The following RBFOX1 variants were observed in gnomAD, a reference collection of about 807,000 sequenced individuals.
RBFOX1 encodes RNA binding fox-1 homolog 1.
In RBFOX1, 8 loss-of-function variants were observed where a neutral mutation model predicts 57.7. The observed-to-expected ratio is 0.14, with a 90% CI of 0.08 to 0.25. RBFOX1 has a LOEUF of 0.25. RBFOX1 is among the 10% of genes least tolerant of loss of function. The pLI is 1.00. For synonymous variants in RBFOX1, 326 were observed against 222.4 expected (o/e 1.47, Z -4.15); for missense variants, 611 against 548.5 (o/e 1.11, Z -1.14).
intron 3 of RBFOX1, among the ~76,000 whole-genome samples, chr16:5,736,202 C>T (rs1301694882): frequency 6.6e-6 from 1 of 152,154 alleles, no homozygotes; most frequent in Non-Finnish European, 1.5e-5. Flanking sequence ...CACCCCCCAT[C>T]CCTTTTGAGC....
chr16:7,600,441 A>T (rs6501000), intron 9 of RBFOX1, among the ~76,000 whole-genome samples: 138,982 of 152,210 alleles, frequency 0.91, 63,753 homozygotes, highest in African/African-American at 0.96. Flanking sequence ...AATACAATAT[A>T]ACTGAAAAAA....
intron 4 of RBFOX1, among the ~76,000 whole-genome samples, chr16:5,979,087 C>T (rs1252045004): frequency 1.3e-5 from 2 of 152,172 alleles, no homozygotes; most frequent in African/African-American, 2.4e-5. Flanking sequence ...AATGAGTGTT[C>T]CTTAAATGAG....
chr16:6,699,015 C>T (rs2061450702), intron 3 of RBFOX1, among the ~76,000 whole-genome samples: 1 of 152,116 alleles, frequency 6.6e-6, no homozygotes, highest in South Asian at 2.1e-4. Flanking sequence ...GTTCTTGGTA[C>T]ACATTAGGTA....
At chr16:5,408,056 G>C (rs556883531) in intron 1 of RBFOX1, among the ~76,000 whole-genome samples, 2 of 150,308 alleles carry the variant, frequency 1.3e-5, no homozygotes, top group African/African-American at 4.9e-5. Flanking sequence ...AGGCTGATGT[G>C]TTTAATTCGG....
At chr16:5,550,393 G>A (rs1364922847) in intron 2 of RBFOX1, among the ~76,000 whole-genome samples, 6 of 152,114 alleles carry the variant, frequency 3.9e-5, no homozygotes, top group South Asian at 2.1e-4. Context: ...CAGGGCTGTC[G>A]TGAGCCACCC....
intron 5 of RBFOX1, among the ~76,000 whole-genome samples, chr16:7,559,786 T>G (rs191171086): frequency 1.3e-5 from 2 of 152,286 alleles, no homozygotes; most frequent in Admixed American, 1.3e-4. Context: ...TCCAGGCACT[T>G]AGGAGTTTCT....
At chr16:6,869,957 C>A (rs1226708355) in intron 3 of RBFOX1, among the ~76,000 whole-genome samples, 1 of 152,142 alleles carries the variant, frequency 6.6e-6, no homozygotes, top group African/African-American at 2.4e-5. Context: ...GCTTACTAAT[C>A]TTAGGACCTA....
At chr16:7,316,183 A>G (rs1036685577) in intron 4 of RBFOX1, among the ~76,000 whole-genome samples, 6 of 152,246 alleles carry the variant, frequency 3.9e-5, no homozygotes, top group African/African-American at 1.2e-4. Context: ...GTATCAGAGA[A>G]AGATCAACTT....
chr16:6,094,239 G>A (rs749352960), intron 1 of RBFOX1, among the ~76,000 whole-genome samples: 17 of 152,098 alleles, frequency 1.1e-4, no homozygotes, highest in Non-Finnish European at 2.4e-4. Context: ...TCCCTTTGAC[G>A]GCCTCCTTGC....
intron 3 of RBFOX1, among the ~76,000 whole-genome samples, chr16:6,745,584 A>G (rs1221074092): frequency 6.6e-6 from 1 of 152,246 alleles, no homozygotes. Context: ...AAGGCATTTG[A>G]CAAAATCCAA....
At chr16:6,115,253 A>G (rs548803986) in intron 1 of RBFOX1, among the ~76,000 whole-genome samples, 1 of 152,350 alleles carries the variant, frequency 6.6e-6, no homozygotes, top group African/African-American at 2.4e-5. Context: ...CTTGTAAGAA[A>G]TAGTTGGCAT....
At chr16:7,417,974 A>G (rs952281353) in intron 4 of RBFOX1, among the ~76,000 whole-genome samples, 2 of 152,048 alleles carry the variant, frequency 1.3e-5, no homozygotes, top group Admixed American at 6.6e-5. Context: ...CAATCACCAC[A>G]ACCACCCTCA....
At chr16:7,047,379 C>G (rs2048334346) in intron 3 of RBFOX1, among the ~76,000 whole-genome samples, 2 of 152,038 alleles carry the variant, frequency 1.3e-5, no homozygotes, top group African/African-American at 2.4e-5. Flanking sequence ...GCTGACCTCT[C>G]TGGATTTTTG....
intron 4 of RBFOX1, among the ~76,000 whole-genome samples, chr16:7,200,068 G>C (rs187520153): frequency 3.3e-5 from 5 of 152,180 alleles, no homozygotes; most frequent in South Asian, 2.1e-4. Context: ...CTAAAAGTCA[G>C]ATACTAGTCA....
intron 2 of RBFOX1, among the ~76,000 whole-genome samples, chr16:6,595,849 G>C (rs191456004): frequency 3.9e-5 from 6 of 152,028 alleles, no homozygotes; most frequent in Admixed American, 3.9e-4. Context: ...GGCATTTGTT[G>C]TATCTTCTTT....
intron 3 of RBFOX1, among the ~76,000 whole-genome samples, chr16:5,784,430 C>G (rs373070907): frequency 6.8e-6 from 1 of 147,524 alleles, no homozygotes; most frequent in African/African-American, 2.5e-5. Flanking sequence ...CCGTCTGAAA[C>G]AAAAAAAAAA....
At chr16:5,816,485 A>G (rs2055642874) in intron 3 of RBFOX1, among the ~76,000 whole-genome samples, 2 of 152,108 alleles carry the variant, frequency 1.3e-5, no homozygotes, top group Non-Finnish European at 2.9e-5. Flanking sequence ...TAGACCTTGC[A>G]TCTCCTATCT....
chr16:6,189,717 TG>T (rs2097130163), intron 1 of RBFOX1, among the ~76,000 whole-genome samples: 1 of 152,236 alleles, frequency 6.6e-6, no homozygotes. Context: ...TAGAACACTC[TG>T]ACTCCTAGAA....
At chr16:6,023,177 C>G (rs1178638401) in intron 1 of RBFOX1, among the ~76,000 whole-genome samples, 1 of 152,058 alleles carries the variant, frequency 6.6e-6, no homozygotes, top group Non-Finnish European at 1.5e-5. Flanking sequence ...GTTTTCCACT[C>G]AGAAATGAAG....
Sources: allele counts gnomAD v4.1 joint callset (sites outside exome capture counted in the v4.1 genomes callset), GRCh38; gene constraint gnomAD v4.1.1; transcripts MANE v1.5; gene names NCBI Gene and HGNC (gene_info 2026-07-23, HGNC 2026-07-21).